The following MAP3K11 variants were observed in gnomAD, a reference collection of about 807,000 sequenced individuals.
MAP3K11 encodes the protein SH3 domain-containing proline-rich kinase.
MAP3K11 carries 46 observed loss-of-function variants against 84.9 expected under a neutral mutation model. The ratio of observed to expected loss-of-function variants is 0.54; its 90% CI spans 0.43 to 0.69. The LOEUF is 0.69. Ranked by LOEUF, MAP3K11 falls within the 30% of genes least tolerant of loss-of-function variation. The pLI is 0.00. For missense variants in MAP3K11, 1,053 were observed against 1,198.3 expected, an observed-to-expected ratio of 0.88 and a Z score of 1.79; for synonymous variants, 527 against 514.7, an observed-to-expected ratio of 1.02 and a Z score of -0.32.
chr11:65,598,491 C>A lies in MAP3K11; in HGVS notation c.2344G>T (p.Val782Leu). 1 of 1,613,624 alleles carries A rather than the reference C, an allele frequency of 6.2e-7. No homozygotes were observed. Among genetic ancestry groups the A allele is most frequent in the Non-Finnish European group, 8.5e-7 (1 of 1,179,736 alleles). The part of the protein sequence containing the change: ...LRSRIDPWSF[V>L]SAGPRPSPLP... The stretch of plus-strand genomic sequence containing the variant: ...GGAGAAGGCCGTGGCCCAGCTGACA[C>A]AAAGCTCCAGGGATCAATGCGGCTG... Residue 782 changes from valine to leucine, a missense_variant, in exon 10 of 10, where the codon GTG becomes TTG. Transcript: ENST00000309100.
At chr11:65,606,909 G>C in intron 5 of MAP3K11, 105 bp from the exon 6 acceptor site, 1 of 708,296 alleles carries the variant, frequency 1.4e-6, no homozygotes, top group Non-Finnish European at 2.4e-6. Flanking sequence ...CATAGGGAGC[G>C]GCACGATGGC....
At chr11:65,601,890 G>C (rs534449343) in intron 8 of MAP3K11, among the ~76,000 whole-genome samples, 105 of 151,954 alleles carry the variant, frequency 6.9e-4, no homozygotes, top group Non-Finnish European at 1.3e-3. Flanking sequence ...AAACAGAAGA[G>C]GGGAAATCAT....
In MAP3K11 at chr11:65,607,450, G is replaced by A; in HGVS notation, c.1309C>T (p.Gln437Ter). The A allele has an allele frequency of 6.5e-7, 1 of 1,536,424 alleles. No homozygotes were observed. Among genetic ancestry groups the A allele is most frequent in the Admixed American group, 2.1e-5 (1 of 48,084 alleles). Residue 437 changes from glutamine to a stop codon, truncating the protein, a stop_gained, in exon 5 of 10, where the codon CAG becomes TAG. Transcript: ENST00000309100. LOFTEE classifies it high-confidence loss of function. Reference protein sequence around the residue: ...AAREQRSQAEQLRRREHLLAQ... With the variant: ...AAREQRSQAE ...AGCAGGTGCTCGCGCCGCCGCAGCT[G>A]CTCCGCCTGTGACCGCTGCTCGCGC...
At chr11:65,609,114 C>G (rs1197646856) in intron 1 of MAP3K11, 1 of 152,238 alleles carries the variant, frequency 6.6e-6, no homozygotes, top group African/African-American at 2.4e-5. Context: ...TGAAGCAAAA[C>G]TGGCAAGGTG....
chr11:65,601,718 T>C (rs559364255), intron 8 of MAP3K11, among the ~76,000 whole-genome samples: 1 of 149,426 alleles, frequency 6.7e-6, no homozygotes, highest in East Asian at 2.0e-4. Flanking sequence ...ATCACACCAC[T>C]GCACTCCAGC....
In MAP3K11 at chr11:65,613,602, T is replaced by C; in HGVS notation, c.155A>G (p.Tyr52Cys). 6.2e-7 allele frequency: 1 copy of C among 1,613,110 alleles called. No homozygotes were observed. Among genetic ancestry groups the C allele is most frequent in the Middle Eastern group, 1.7e-4 (1 of 6,060 alleles). ...CAGCTCATCCTGCCCACTGGGCTCG[T>C]AGTCGAACAGGGCTGTCCACACCGG... is the stretch of plus-strand genomic sequence containing the variant. ...ANPVWTALFD[Y>C]EPSGQDELAL... Residue 52 changes from tyrosine to cysteine, a missense_variant, in exon 1 of 10, where the codon TAC becomes TGC. By Grantham distance (194) the Tyr-to-Cys change is radical. Transcript: ENST00000309100.
intron 6 of MAP3K11, chr11:65,606,396 AACTT>A (rs776801414): frequency 1.4e-5 from 6 of 423,588 alleles, no homozygotes; most frequent in Non-Finnish European, 2.5e-5. Flanking sequence ...TCATCCATAA[AACTT>A]AAATTAACAA....
intron 5 of MAP3K11, chr11:65,607,050 A>T: frequency 1.4e-6 from 1 of 697,164 alleles, no homozygotes; most frequent in African/African-American, 1.9e-5. Context: ...ACTTTCGTGA[A>T]CCCCACCCCT....
At chr11:65,602,341 G>A (rs916149703) in intron 8 of MAP3K11, among the ~76,000 whole-genome samples, 1 of 151,702 alleles carries the variant, frequency 6.6e-6, no homozygotes, top group Middle Eastern at 3.2e-3. Context: ...GTCAAACCCT[G>A]TCTCTACTAA....
chr11:65,603,646 G>A (rs1411943385), intron 8 of MAP3K11, among the ~76,000 whole-genome samples: 4 of 152,248 alleles, frequency 2.6e-5, no homozygotes, highest in Non-Finnish European at 5.9e-5. Context: ...TGGCTGTGAG[G>A]TCAATGTCAT....
chr11:65,606,466 A>G, intron 6 of MAP3K11: 1 of 421,940 alleles, frequency 2.4e-6, no homozygotes, highest in South Asian at 7.6e-5. Context: ...CAAAGCATTT[A>G]GAAAATTAGT....
chr11:65,601,985 C>T (rs189877999), intron 8 of MAP3K11, among the ~76,000 whole-genome samples: 3 of 151,732 alleles, frequency 2.0e-5, no homozygotes, highest in Middle Eastern at 3.4e-3. Context: ...GGGCGGATCA[C>T]GAGGTCAAGA....
chr11:65,600,071 A>G (rs1206200620), intron 8 of MAP3K11, among the ~76,000 whole-genome samples: 1 of 152,196 alleles, frequency 6.6e-6, no homozygotes, highest in Non-Finnish European at 1.5e-5. Context: ...GCCAGGTCAC[A>G]GTGGGCCTCT....
chr11:65,604,385 G>A (rs907941356), intron 8 of MAP3K11, among the ~76,000 whole-genome samples: 19 of 152,232 alleles, frequency 1.2e-4, no homozygotes, highest in African/African-American at 4.6e-4. Context: ...TAGAGCAAGT[G>A]AATTCAAGAA....
chr11:65,601,796 AT>A (rs1165742342), intron 8 of MAP3K11, among the ~76,000 whole-genome samples: 2 of 136,146 alleles, frequency 1.5e-5, no homozygotes, highest in African/African-American at 5.5e-5. Context: ...TGAAGAATCC[AT>A]TTTTATAATC....
rs771826070 is a variant in MAP3K11, at chr11:65,613,724, G to C, written c.33C>G (p.Ser11Arg). ...CACTGCCATTCCATGACCCTAGAGG[G>C]CTCTTGAGGAAGAGGCTCTTCAAGG... is the stretch of plus-strand genomic sequence containing the variant. MEPLKSLFLK[S>R]PLGSWNGSGS... The change falls in exon 1 of 10, where the codon AGC becomes AGG. Residue 11 changes from serine (S) to arginine (R), a missense_variant. By Grantham distance (110) the Ser-to-Arg change is moderately radical. Coordinates refer to ENST00000309100, the MANE Select transcript of MAP3K11 (RefSeq NM_002419.4). The C allele has an allele frequency of 2.5e-6, 4 of 1,587,704 alleles. No individual in the cohort carries two copies.
In MAP3K11 at chr11:65,598,156, T is replaced by C. The variant is rs939888975; in HGVS notation, c.*135A>G. ...TGTGAAGGCTTCCTGTGCAGTGTAG[T>C]GTTCCTGACCCCCAAAGGGGGGTGG... On this transcript the variant is annotated 3_prime_UTR_variant, in exon 10 of 10. Coordinates refer to ENST00000309100, the MANE Select transcript of MAP3K11 (RefSeq NM_002419.4). 9.3e-6 allele frequency: 6 copies of C among 647,836 alleles called. No homozygotes were observed. Among genetic ancestry groups the C allele is most frequent in the African/African-American group, 3.7e-5 (2 of 54,068 alleles). The allele number at this position is 647,836 out of a possible 1,614,324, so 40.1% of individuals were successfully genotyped here. A position where few individuals can be genotyped will look rare whatever the true frequency, so the allele number is the denominator to read the frequency against.
rs570112119 is a variant in MAP3K11 at position 65,599,572 on chromosome 11, T to G, written c.2028A>C (p.Thr676=). 6.7e-7 allele frequency: 1 copy of G among 1,502,660 alleles called. No homozygotes were observed. Among genetic ancestry groups the G allele is most frequent in the Non-Finnish European group, 8.8e-7 (1 of 1,134,686 alleles). The allele number at this position is 1,502,660 out of a possible 1,614,324, so 93.1% of individuals were successfully genotyped here. The stretch of plus-strand genomic sequence containing the variant: ...GCGCGGGCGTTGGCGTGGGGGGTGT[T>G]GTCGGGGACTCCCCGCGCTCGCGTC... ...GPGRERGESP[T]TPPTPTPAPC... is the part of the protein sequence containing the mutation. The change falls in exon 9 of 10, where the codon ACA becomes ACC. Residue 676 remains threonine, a synonymous_variant. Transcript: ENST00000309100.
chr11:65,605,165 T>A (rs1457946574), intron 8 of MAP3K11, among the ~76,000 whole-genome samples: 1 of 152,102 alleles, frequency 6.6e-6, no homozygotes, highest in Admixed American at 6.5e-5. Context: ...CCCCTCTTCA[T>A]CAATGCTTGG....
Sources: allele counts gnomAD v4.1 joint callset (sites outside exome capture counted in the v4.1 genomes callset), GRCh38; gene constraint gnomAD v4.1.1; transcripts MANE v1.5; gene names NCBI Gene and HGNC (gene_info 2026-07-23, HGNC 2026-07-21).